LDHA: variants seen among roughly 807,000 people sequenced by gnomAD.
LDHA encodes lactate dehydrogenase A.
A neutral mutation model predicts 36.3 loss-of-function variants in LDHA; 10 were observed. That is an observed-to-expected ratio of 0.28 (90% CI 0.17 to 0.47). LDHA has a LOEUF of 0.47. LDHA is among the 20% of genes least tolerant of loss of function. LDHA has a pLI of 0.99. For synonymous variants in LDHA, 110 were observed against 136.7 expected, an observed-to-expected ratio of 0.80 and a Z score of 1.36; for missense variants, 267 against 405.8, an observed-to-expected ratio of 0.66 and a Z score of 2.94.
chr11:18,400,429 CCACACACACACA>C (rs6144241), intron 3 of LDHA: 6,062 of 287,282 alleles, frequency 0.021, 82 homozygotes, highest in Middle Eastern at 0.038. Flanking sequence ...ACCACCACCA[CCACACACACACA>C]CACACACACA....
At chr11:18,405,333 A>G (rs1009939154) in intron 6 of LDHA, 116 bp from the exon 7 acceptor site, 1 of 1,025,970 alleles carries the variant, frequency 9.7e-7, no homozygotes, top group Non-Finnish European at 1.5e-6. Context: ...TATTCTTGGT[A>G]TAATGCAACA....
At chr11:18,402,311 T>G (rs1426304766) in intron 4 of LDHA, among the ~76,000 whole-genome samples, 3 of 151,590 alleles carry the variant, frequency 2.0e-5, no homozygotes, top group Admixed American at 2.0e-4. Flanking sequence ...TTACTATACT[T>G]TTTTTTTGAG....
chr11:18,407,994 TA>T lies in LDHA; in HGVS notation c.*714del, dbSNP rs1284428858. On this transcript the variant is annotated 3_prime_UTR_variant, in exon 8 of 8. Transcript: ENST00000422447. ...TATTGACTAATAGCAGAGGATGTAA[TA>T]GTCAACTGAGTTGTATTGGTACCAC... 2.2e-6 allele frequency: 1 copy of T among 454,158 alleles called. No homozygotes were observed. Among genetic ancestry groups the T allele is most frequent in the South Asian group, 1.6e-5 (1 of 64,482 alleles). The allele number at this position is 454,158 out of a possible 1,614,324, so 28.1% of individuals were successfully genotyped here.
chr11:18,394,866 C>A (rs1288491863), intron 1 of LDHA: 1 of 353,580 alleles, frequency 2.8e-6, no homozygotes, highest in Non-Finnish European at 5.6e-6. Flanking sequence ...TGGCTTCTGG[C>A]CACGCTGGGG....
chr11:18,406,414 T>TAAAAAAAA (rs532942664), intron 7 of LDHA, among the ~76,000 whole-genome samples: 2 of 97,170 alleles, frequency 2.1e-5, no homozygotes, highest in Non-Finnish European at 3.9e-5. Flanking sequence ...TTGCCTCTGT[T>TAAAAAAAA]AAAAAAAAAA....
At chr11:18,401,955 C>CTTTTTTTTTTTTTTTTTTT (rs1554961218) in intron 4 of LDHA, among the ~76,000 whole-genome samples, 19 of 52,254 alleles carry the variant, frequency 3.6e-4, no homozygotes, top group Non-Finnish European at 4.5e-4. Context: ...TTGTTATTCT[C>CTTTTTTTTTTTTTTTTTTT]TTTTTTTTTT....
Position 18,399,431 on chromosome 11 carries a change from G to T in LDHA, c.127G>T (p.Asp43Tyr), listed in dbSNP as rs1866404602. The T allele has an allele frequency of 6.2e-7, 1 of 1,601,942 alleles. No individual in the cohort carries two copies. Among genetic ancestry groups the T allele is most frequent in the African/African-American group, 1.3e-5 (1 of 74,784 alleles). ...TAACTAAAGATTTGATGTCTTTTAG[G>T]ACTTGGCAGATGAACTTGCTCTTGT... ...MACAISILMK[D>Y]LADELALVDV... The change falls in exon 3 of 8, where the codon GAC (aspartate) becomes TAC (tyrosine). Residue 43 changes from aspartate to tyrosine, a missense_variant and splice_region_variant. Coordinates refer to ENST00000422447, the MANE Select transcript of LDHA (RefSeq NM_005566.4).
At position 18,404,972 on chromosome 11, in the gene LDHA, A is replaced by G. The variant is rs78311521; in HGVS notation, c.711-477A>G. On this transcript the variant is annotated intron_variant, in intron 6 of 7. Transcript: ENST00000422447. ...AAATAACATTGTTGAATCAGAATTT[A>G]GTATTCTGCTGGTGTTTGGAAATAA... Among the ~76,000 whole-genome samples the G allele has an allele frequency of 3.0e-3, 458 of 152,314 alleles. 2 individuals carry two copies. Among genetic ancestry groups the G allele is most frequent in the African/African-American group, 0.01 (434 of 41,584 alleles).
Position 18,396,955 on chromosome 11 carries a change from G to C in LDHA, c.113G>C (p.Ser38Thr). Residue 38 changes from serine to threonine, a missense_variant, in exon 2 of 8, where the codon AGT becomes ACT. Transcript: ENST00000422447. ...VGAVGMACAI[S>T]ILMKDLADEL... ...GCTGTTGGCATGGCCTGTGCCATCA[G>C]TATCTTAATGAAGGTAAGTGAGAGT... The C allele has an allele frequency of 6.2e-7, 1 of 1,614,122 alleles. No homozygotes were observed. The highest frequency in any genetic ancestry group is 8.5e-7 in the Non-Finnish European group (1 of 1,180,012).
rs779176970 is a variant in LDHA at position 18,396,961 on chromosome 11, TAATG to T, written c.122_125del (p.Met41ArgfsTer17). The T allele has an allele frequency of 6.2e-7, 1 of 1,614,138 alleles. No individual in the cohort carries two copies. Among genetic ancestry groups the T allele is most frequent in the Non-Finnish European group, 8.5e-7 (1 of 1,180,004 alleles). ...GGCATGGCCTGTGCCATCAGTATCT[TAATG>T]AAGGTAAGTGAGAGTCTACCACACT... is the stretch of plus-strand genomic sequence containing the variant. On this transcript the variant is annotated frameshift_variant, in exon 2 of 8. Transcript: ENST00000422447. LOFTEE classifies it high-confidence loss of function.
intron 4 of LDHA, among the ~76,000 whole-genome samples, chr11:18,401,473 C>CTTTTT (rs58157049): frequency 0.5 from 33,985 of 67,686 alleles, 11,167 homozygotes; most frequent in Non-Finnish European, 0.59. Flanking sequence ...ATTTATTTTT[C>CTTTTT]TTTTTTTTTT....
Position 18,396,884 on chromosome 11 carries a change from G to A in LDHA, c.42G>A (p.Lys14=), listed in dbSNP as rs1866322892. 1.2e-6 allele frequency: 2 copies of A among 1,613,374 alleles called. No individual in the cohort carries two copies. Among genetic ancestry groups the A allele is most frequent in the African/African-American group, 1.3e-5 (1 of 74,892 alleles). The change falls in exon 2 of 8, where the codon AAG becomes AAA. Residue 14 remains lysine, a synonymous_variant. Transcript: ENST00000422447. ...LKDQLIYNLL[K]EEQTPQNKIT... ...ATCAGCTGATTTATAATCTTCTAAA[G>A]GAAGAACAGACCCCCCAGAATAAGA...
Position 18,399,491 on chromosome 11 carries a change from A to G in LDHA, c.187A>G (p.Met63Val), listed in dbSNP as rs745571742. ...VIEDKLKGEM[M>V]DLQHGSLFLR... is the part of the protein sequence containing the mutation. ...CGAAGACAAATTGAAGGGAGAGATG[A>G]TGGATCTCCAACATGGCAGCCTTTT... Residue 63 changes from methionine to valine, a missense_variant, in exon 3 of 8, where the codon ATG becomes GTG. By Grantham distance (21) the Met-to-Val change is conservative. Coordinates refer to ENST00000422447, the MANE Select transcript of LDHA (RefSeq NM_005566.4). The G allele has an allele frequency of 6.2e-7, 1 of 1,613,610 alleles. No individual in the cohort carries two copies. Among genetic ancestry groups the G allele is most frequent in the South Asian group, 1.1e-5 (1 of 91,066 alleles).
At chr11:18,406,224 C>T (rs1033798185) in intron 7 of LDHA, among the ~76,000 whole-genome samples, 27 of 152,036 alleles carry the variant, frequency 1.8e-4, no homozygotes, top group Middle Eastern at 3.4e-3. Flanking sequence ...TCGGCCTCCC[C>T]GAATGCTGGG....
intron 5 of LDHA, 36 bp downstream of exon 5, chr11:18,403,049 G>T (rs201954816): frequency 1.8e-5 from 29 of 1,571,642 alleles, no homozygotes; most frequent in Admixed American, 5.0e-5. Flanking sequence ...TTTTTGAAAA[G>T]ATTATATAAA....
At chr11:18,399,869 G>C (rs554882083) in intron 3 of LDHA, 2 of 325,990 alleles carry the variant, frequency 6.1e-6, no homozygotes, top group Non-Finnish European at 5.9e-6. Flanking sequence ...TACTGGGATT[G>C]CAGGTGTGAA....
rs1337279390 is a variant in LDHA, at chr11:18,403,694, T to A, written c.593T>A (p.Val198Glu). The A allele has an allele frequency of 3.9e-6, 6 of 1,528,654 alleles. No homozygotes were observed. The highest frequency in any genetic ancestry group is 5.4e-6 in the Non-Finnish European group (6 of 1,102,444). 94.7% of individuals were successfully genotyped at this position (1,528,654 alleles called of 1,614,324 possible). Reference sequence around the variant, plus strand: ...ATGTAGTCTGTACTATTTCTTTTAGTGCCTGTATGGAGTGGAATGAATGTT... The same window carrying A: ...ATGTAGTCTGTACTATTTCTTTTAGAGCCTGTATGGAGTGGAATGAATGTT... The part of the protein sequence containing the change: ...WVLGEHGDSS[V>E]PVWSGMNVAG... The change falls in exon 6 of 8, where the codon GTG becomes GAG. Residue 198 changes from valine (V) to glutamate (E), a missense_variant and splice_region_variant. Physicochemically the swap from Val to Glu is moderately radical, Grantham distance 121. Transcript: ENST00000422447.
intron 4 of LDHA, among the ~76,000 whole-genome samples, chr11:18,401,921 G>A (rs564615873): frequency 3.5e-5 from 5 of 144,050 alleles, no homozygotes; most frequent in African/African-American, 5.0e-5. Flanking sequence ...CAAGATCTTG[G>A]ATAAGGGATA....
At position 18,404,346 on chromosome 11, in the gene LDHA, C is replaced by T. The variant is rs994707607; in HGVS notation, c.710+535C>T. Among the ~76,000 whole-genome samples the T allele has an allele frequency of 4.0e-5, 6 of 151,792 alleles. No individual in the cohort carries two copies. The East Asian group carries it at 9.7e-4, about 25-fold the overall frequency. On this transcript the variant is annotated intron_variant, in intron 6 of 7. Transcript: ENST00000422447. ...ATCGCATGAGCCTGGGAGGTCAAGG[C>T]TGCAGTGAAGCGAGATCCTGCCACT...
Sources: allele counts gnomAD v4.1 joint callset (sites outside exome capture counted in the v4.1 genomes callset), GRCh38; gene constraint gnomAD v4.1.1; transcripts MANE v1.5; gene names NCBI Gene and HGNC (gene_info 2026-07-23, HGNC 2026-07-21).